The following AGMO variants were observed in gnomAD, a reference collection of about 807,000 sequenced individuals.
AGMO encodes glyceryl-ether monooxygenase.
A neutral mutation model predicts 60.2 loss-of-function variants in AGMO; 75 were observed. That is an observed-to-expected ratio of 1.25 (90% CI 1.03 to 1.51). The LOEUF (loss-of-function observed/expected upper bound fraction) is 1.51. AGMO is among the 40% of genes most tolerant of loss of function. The pLI, the probability that AGMO is intolerant of heterozygous loss-of-function variation, is 0.00. For missense variants in AGMO, 763 were observed against 525.5 expected, an observed-to-expected ratio of 1.45 and a Z score of -4.42; for synonymous variants, 261 against 177.1, an observed-to-expected ratio of 1.47 and a Z score of -3.76.
chr7:15,441,894 C>T (rs567591903), intron 3 of AGMO, among the ~76,000 whole-genome samples: 1 of 152,290 alleles, frequency 6.6e-6, no homozygotes, highest in Admixed American at 6.5e-5. Flanking sequence ...CCTAATGAGC[C>T]TCCTGAGTGG....
At chr7:15,477,946 T>A (rs1251652561) in intron 3 of AGMO, among the ~76,000 whole-genome samples, 1 of 152,140 alleles carries the variant, frequency 6.6e-6, no homozygotes, top group African/African-American at 2.4e-5. Context: ...TTGGGTCACA[T>A]GGAAAGCAAC....
chr7:15,381,260 A>G (rs1013929611), intron 10 of AGMO, among the ~76,000 whole-genome samples: 1 of 152,216 alleles, frequency 6.6e-6, no homozygotes, highest in Non-Finnish European at 1.5e-5. Flanking sequence ...GAATGGGAGA[A>G]AAGTTTTGCA....
intron 3 of AGMO, among the ~76,000 whole-genome samples, chr7:15,461,294 C>G (rs1276677131): frequency 1.3e-5 from 2 of 151,432 alleles, no homozygotes; most frequent in African/African-American, 4.9e-5. Flanking sequence ...ATTTAACCTT[C>G]CATATGTAAA....
At chr7:15,298,574 G>A (rs1784469340) in intron 12 of AGMO, among the ~76,000 whole-genome samples, 2 of 152,024 alleles carry the variant, frequency 1.3e-5, no homozygotes, top group Non-Finnish European at 1.5e-5. Context: ...GATTATTTGT[G>A]TATTTTTTGA....
rs115297948 is a variant in AGMO, at chr7:15,516,633, C to T, written c.409+28139G>A. Reference sequence around the variant, plus strand: ...GCATTCCTTGTCTTTTAAATTGTAACCTTATACATCTGTTGAGCACACATC... The same window carrying T: ...GCATTCCTTGTCTTTTAAATTGTAATCTTATACATCTGTTGAGCACACATC... On this transcript the variant is annotated intron_variant, in intron 3 of 12. Transcript: ENST00000342526. Among the ~76,000 whole-genome samples the T allele has an allele frequency of 3.3e-5, 5 of 152,126 alleles. No individual in the cohort carries two copies. The South Asian group carries it at 8.3e-4, about 25-fold the overall frequency.
rs1405422182 is a variant in AGMO, at chr7:15,369,788, AC to A, written c.1075-3567del. On this transcript the variant is annotated intron_variant, in intron 10 of 12. Coordinates refer to ENST00000342526, the MANE Select transcript of AGMO (RefSeq NM_001004320.2). ...GTATCCCAAGGGCCTAGAATATAGA[AC>A]TCAATATGTTTATTGAAAGACTGAT... 4.6e-5 allele frequency among the ~76,000 whole-genome samples: 7 copies of A among 152,090 alleles called. No homozygotes were observed. In the South Asian group the frequency reaches 1.5e-3, roughly 32 times the overall value.
intron 12 of AGMO, among the ~76,000 whole-genome samples, chr7:15,311,920 A>G (rs934560961): frequency 3.9e-5 from 6 of 152,228 alleles, no homozygotes; most frequent in African/African-American, 1.2e-4. Flanking sequence ...AATAAAAATT[A>G]CAATAACCAA....
chr7:15,290,187 C>G (rs889858603), intron 12 of AGMO, among the ~76,000 whole-genome samples: 1 of 151,694 alleles, frequency 6.6e-6, no homozygotes, highest in Non-Finnish European at 1.5e-5. Flanking sequence ...GCGCCACACA[C>G]CTGGCTAATT....
At chr7:15,407,946 T>A (rs909518794) in intron 5 of AGMO, among the ~76,000 whole-genome samples, 2 of 151,906 alleles carry the variant, frequency 1.3e-5, no homozygotes, top group African/African-American at 4.8e-5. Context: ...CTCGTGCTCC[T>A]AACTCTTAAC....
At chr7:15,418,098 T>C (rs1176466589) in intron 5 of AGMO, among the ~76,000 whole-genome samples, 1 of 152,108 alleles carries the variant, frequency 6.6e-6, no homozygotes, top group Non-Finnish European at 1.5e-5. Context: ...ATTTAATCTC[T>C]GTAGTTAGAG....
At chr7:15,439,268 A>G (rs571243569) in intron 3 of AGMO, among the ~76,000 whole-genome samples, 84 of 152,218 alleles carry the variant, frequency 5.5e-4, no homozygotes, top group African/African-American at 1.5e-3. Flanking sequence ...GTGGTGGTGC[A>G]CACCTGTAGT....
At chr7:15,406,303 A>G (rs1291596813) in intron 5 of AGMO, among the ~76,000 whole-genome samples, 1 of 144,386 alleles carries the variant, frequency 6.9e-6, no homozygotes, top group Non-Finnish European at 1.5e-5. Context: ...TATATATGGA[A>G]TATACATATA....
At chr7:15,390,937 AG>A (rs1784113383) in intron 6 of AGMO, 32 bp from the exon 7 acceptor site, 1 of 1,382,790 alleles carries the variant, frequency 7.2e-7, no homozygotes, top group African/African-American at 1.5e-5. Flanking sequence ...ATTTTTTTTC[AG>A]AAAAATAGTT....
In AGMO at chr7:15,210,027, T is replaced by C. The variant is rs117778551; in HGVS notation, c.1264-8668A>G. ...TCTCTTCTACTCCAAATGATGATGA[T>C]ATGATGATAATAATAACTTTTATTA... On this transcript the variant is annotated intron_variant, in intron 12 of 12. Coordinates refer to ENST00000342526, the MANE Select transcript of AGMO (RefSeq NM_001004320.2). Among the ~76,000 whole-genome samples the C allele has an allele frequency of 8.3e-3, 1,266 of 152,222 alleles. 52 individuals carry two copies. Among genetic ancestry groups the C allele is most frequent in the Admixed American group, 0.067 (1,022 of 15,280 alleles).
At chr7:15,139,738 G>A in the AGMO span, among the ~76,000 whole-genome samples, 1,036 of 148,908 alleles carry the variant, frequency 7.0e-3, 4 homozygotes, top group South Asian at 0.011. Flanking sequence ...ATGAGATTGT[G>A]CCAAATTTCT....
chr7:15,452,778 C>T (rs1159301360), intron 3 of AGMO, among the ~76,000 whole-genome samples: 1 of 152,166 alleles, frequency 6.6e-6, no homozygotes, highest in African/African-American at 2.4e-5. Context: ...ATCTTGCACA[C>T]AGATGCACTT....
At chr7:15,480,327 T>A (rs758627608) in intron 3 of AGMO, among the ~76,000 whole-genome samples, 4 of 152,166 alleles carry the variant, frequency 2.6e-5, no homozygotes, top group Non-Finnish European at 5.9e-5. Context: ...TTATGATTAA[T>A]GCAATAATGT....
intron 12 of AGMO, among the ~76,000 whole-genome samples, chr7:15,216,324 G>A (rs762517833): frequency 6.6e-6 from 1 of 151,978 alleles, no homozygotes; most frequent in Non-Finnish European, 1.5e-5. Context: ...CTGCTTTCCT[G>A]GGGAATTGTT....
intron 5 of AGMO, among the ~76,000 whole-genome samples, chr7:15,404,154 A>G (rs948503353): frequency 6.6e-6 from 1 of 151,934 alleles, no homozygotes; most frequent in African/African-American, 2.4e-5. Context: ...TAAATTTCTG[A>G]TGAATCCATA....
Sources: allele counts gnomAD v4.1 joint callset (sites outside exome capture counted in the v4.1 genomes callset), GRCh38; gene constraint gnomAD v4.1.1; transcripts MANE v1.5; gene names NCBI Gene and HGNC (gene_info 2026-07-23, HGNC 2026-07-21).